The following FANCB variants were observed in gnomAD, a reference collection of about 807,000 sequenced individuals.
FANCB encodes Fanconi anemia group B protein.
A neutral mutation model predicts 38.9 loss-of-function variants in FANCB; 5 were observed. The ratio of observed to expected loss-of-function variants is 0.13; its 90% confidence interval spans 0.07 to 0.27. The LOEUF (loss-of-function observed/expected upper bound fraction) is 0.27. Among genes scored for constraint, FANCB ranks in the 10% least tolerant of loss-of-function variants. The pLI, the probability that FANCB is intolerant of heterozygous loss-of-function variation, is 1.00. For synonymous variants in FANCB, 236 were observed against 215.4 expected, an observed-to-expected ratio of 1.10 and a Z score of -0.84; for missense variants, 573 against 602.7, an observed-to-expected ratio of 0.95 and a Z score of 0.52.
intron 3 of FANCB, 117 bp from the exon 4 acceptor site, chrX:14,859,451 G>A: frequency 2.0e-6 from 1 of 504,221 alleles, no homozygotes; most frequent in Non-Finnish European, 3.4e-6. Flanking sequence ...TCTTATAAAT[G>A]AGTAATGAAA....
the FANCB span, among the ~76,000 whole-genome samples, chrX:14,692,698 G>T: frequency 9.0e-6 from 1 of 111,300 alleles, no homozygotes; most frequent in African/African-American, 3.3e-5. Flanking sequence ...CACTATCCTG[G>T]CTTACTGACT....
the FANCB span, among the ~76,000 whole-genome samples, chrX:14,733,471 T>A: frequency 2.7e-5 from 3 of 112,184 alleles, no homozygotes; most frequent in Non-Finnish European, 5.6e-5. Context: ...AGTATGGCCA[T>A]TTTCATGATA....
intron 1 of FANCB, among the ~76,000 whole-genome samples, chrX:14,871,073 T>C (rs1328932908): frequency 9.0e-5 from 10 of 111,225 alleles, no homozygotes; most frequent in African/African-American, 2.6e-4. Context: ...CTATACAGAA[T>C]TGATCTCACC....
the FANCB span, among the ~76,000 whole-genome samples, chrX:14,778,362 G>A: frequency 2.7e-5 from 3 of 111,981 alleles, no homozygotes; most frequent in Non-Finnish European, 5.6e-5. Flanking sequence ...GCAGTGCACA[G>A]GACAGCCATT....
chrX:14,787,321 T>C, the FANCB span, among the ~76,000 whole-genome samples: 1 of 109,341 alleles, frequency 9.1e-6, no homozygotes, highest in South Asian at 3.9e-4. Context: ...CACTTACACA[T>C]GGAATCTTAA....
At chrX:14,853,340 T>C (rs1399272403) in intron 5 of FANCB, among the ~76,000 whole-genome samples, 173 bp from the exon 6 acceptor site, 1 of 111,882 alleles carries the variant, frequency 8.9e-6, no homozygotes, top group Non-Finnish European at 1.9e-5. Context: ...AGTCTCTAAG[T>C]TTAAAAAATG....
chrX:14,870,339 G>T (rs1387407623), intron 1 of FANCB, among the ~76,000 whole-genome samples: 1 of 110,733 alleles, frequency 9.0e-6, no homozygotes, highest in African/African-American at 3.3e-5. Flanking sequence ...GCTTATCAGG[G>T]CCCCAGGTTT....
intron 6 of FANCB, among the ~76,000 whole-genome samples, chrX:14,851,486 T>C (rs967889170): frequency 1.3e-5 from 1 of 75,832 alleles, no homozygotes; most frequent in Non-Finnish European, 2.6e-5. Context: ...TGCCTCTCCA[T>C]GTGGTAATTA....
the FANCB span, chrX:14,730,709 T>C: frequency 2.5e-6 from 1 of 392,418 alleles, no homozygotes; most frequent in Admixed American, 4.3e-5. Context: ...GGGAGCATAA[T>C]AATTCCCTTC....
the FANCB span, among the ~76,000 whole-genome samples, chrX:14,807,486 C>T: frequency 3.5e-3 from 389 of 111,771 alleles, 2 homozygotes; most frequent in Non-Finnish European, 5.7e-3. Context: ...TGATGTATTA[C>T]GATAAGTTAG....
At chrX:14,845,723 C>T (rs1018227568) in intron 7 of FANCB, among the ~76,000 whole-genome samples, 9 of 111,366 alleles carry the variant, frequency 8.1e-5, no homozygotes, top group African/African-American at 2.6e-4. Context: ...TTTGGTGATA[C>T]GTTAGAATGC....
At chrX:14,789,709 A>G in the FANCB span, among the ~76,000 whole-genome samples, 40 of 111,589 alleles carry the variant, frequency 3.6e-4, no homozygotes, top group Admixed American at 1.2e-3. Context: ...TGCTTATTAT[A>G]TGAGTGATGA....
At chrX:14,872,665 C>T (rs1278690105) in intron 1 of FANCB, among the ~76,000 whole-genome samples, 1 of 90,464 alleles carries the variant, frequency 1.1e-5, no homozygotes, top group Non-Finnish European at 2.2e-5. Flanking sequence ...CCCACCCCCC[C>T]GGCTGAACAC....
Position 14,849,417 on chromosome X carries a change from A to G in FANCB, c.1496+1088T>C, listed in dbSNP as rs2092391384. Among the ~76,000 whole-genome samples the G allele has an allele frequency of 5.4e-5, 6 of 111,860 alleles. No homozygotes were observed. In the Admixed American group the frequency reaches 5.7e-4, roughly 11 times the overall value. On this transcript the variant is annotated intron_variant, in intron 7 of 9. Coordinates refer to ENST00000650831, the MANE Select transcript of FANCB (RefSeq NM_001018113.3). The stretch of plus-strand genomic sequence containing the variant: ...AGTAGTCTGGCTCCCTTACTGTGTT[A>G]AGCTGCTCAAATATACTGCCATCAC...
At chrX:14,791,979 C>A in the FANCB span, among the ~76,000 whole-genome samples, 1 of 111,767 alleles carries the variant, frequency 8.9e-6, no homozygotes, top group African/African-American at 3.2e-5. Context: ...GCCTCCATTT[C>A]TTTTAGGGTA....
the FANCB span, among the ~76,000 whole-genome samples, chrX:14,787,433 G>T: frequency 9.1e-6 from 1 of 109,803 alleles, no homozygotes; most frequent in African/African-American, 3.3e-5. Context: ...AGGGTCAAAG[G>T]GTTCCAATTT....
intron 10 of FANCB, among the ~76,000 whole-genome samples, chrX:14,838,214 A>T (rs1265743153): frequency 1.8e-5 from 2 of 112,332 alleles, no homozygotes; most frequent in Non-Finnish European, 3.8e-5. Context: ...TATTTATATT[A>T]TCCACCATGC....
At chrX:14,771,962 C>T in the FANCB span, among the ~76,000 whole-genome samples, 1 of 111,680 alleles carries the variant, frequency 9.0e-6, no homozygotes, top group African/African-American at 3.3e-5. Flanking sequence ...GCAAAGATGG[C>T]AGCCAGCTCC....
In FANCB at chrX:14,865,109, T is replaced by C. The variant is rs147260208; in HGVS notation, c.402A>G (p.Leu134=). The C allele has an allele frequency of 1.2e-3, 1,439 of 1,208,183 alleles. 21 individuals carry two copies. In the African/African-American group the frequency reaches 0.022, roughly 19 times the overall value. The change falls in exon 3 of 10, where the codon CTA becomes CTG. Residue 134 remains leucine, a synonymous_variant. Coordinates refer to ENST00000650831, the MANE Select transcript of FANCB (RefSeq NM_001018113.3). ...FKLGYEMKDG[L]RVLNGPLILW... ...AAATTAAAGGGCCATTAAGGACCCTTAGGCCATCCTTCATCTCATAGCCTA... is the reference window on the plus strand; with the variant it reads ...AAATTAAAGGGCCATTAAGGACCCTCAGGCCATCCTTCATCTCATAGCCTA...
Sources: allele counts gnomAD v4.1 joint callset (sites outside exome capture counted in the v4.1 genomes callset), GRCh38; gene constraint gnomAD v4.1.1; transcripts MANE v1.5; gene names NCBI Gene and HGNC (gene_info 2026-07-23, HGNC 2026-07-21).